PXDNL: variants seen among roughly 807,000 people sequenced by gnomAD.
PXDNL encodes the protein peroxidasin like, also known as probable oxidoreductase PXDNL.
Under a neutral mutation model 150.8 loss-of-function variants are expected in PXDNL, and 145 were observed. The ratio of observed to expected loss-of-function variants is 0.96; its 90% CI spans 0.84 to 1.10. The LOEUF (loss-of-function observed/expected upper bound fraction) is 1.10, where lower values mean the gene tolerates loss of function less well. Ranked by LOEUF, PXDNL falls within the 50% of genes least tolerant of loss-of-function variation. PXDNL has a pLI of 0.00. For synonymous variants in PXDNL, 757 were observed against 725.7 expected (o/e 1.04, Z -0.69); for missense variants, 2,087 against 1,873.9 (o/e 1.11, Z -2.10).
intron 1 of PXDNL, among the ~76,000 whole-genome samples, chr8:51,802,769 T>G (rs1434393858): frequency 6.6e-6 from 1 of 152,216 alleles, no homozygotes; most frequent in Non-Finnish European, 1.5e-5. Context: ...GATATACCCC[T>G]TCATGCATCC....
intron 1 of PXDNL, among the ~76,000 whole-genome samples, chr8:51,773,178 C>T (rs184083848): frequency 1.8e-4 from 27 of 152,316 alleles, no homozygotes; most frequent in African/African-American, 4.6e-4. Flanking sequence ...CTATGTCAAA[C>T]GCCATGCTTA....
At chr8:51,732,297 ACT>A (rs1199990744) in intron 1 of PXDNL, among the ~76,000 whole-genome samples, 2 of 152,046 alleles carry the variant, frequency 1.3e-5, no homozygotes, top group East Asian at 1.9e-4. Context: ...ATGCCACCAG[ACT>A]CTTTGCTAAA....
intron 18 of PXDNL, among the ~76,000 whole-genome samples, chr8:51,372,745 A>T (rs1247406206): frequency 6.6e-6 from 1 of 152,258 alleles, no homozygotes; most frequent in East Asian, 1.9e-4. Context: ...ATGTAACATT[A>T]ACACGTTTGC....
intron 3 of PXDNL, among the ~76,000 whole-genome samples, chr8:51,583,277 G>A (rs1269653407): frequency 6.6e-6 from 1 of 152,130 alleles, no homozygotes; most frequent in African/African-American, 2.4e-5. Flanking sequence ...GGCTTCTGGT[G>A]AGGGCTACAG....
At chr8:51,542,152 G>A (rs1259020192) in intron 4 of PXDNL, among the ~76,000 whole-genome samples, 1 of 149,528 alleles carries the variant, frequency 6.7e-6, no homozygotes, top group Admixed American at 6.7e-5. Context: ...TGAGAAAGGG[G>A]GAAAAAAAGG....
intron 2 of PXDNL, among the ~76,000 whole-genome samples, chr8:51,598,548 A>G (rs1007595819): frequency 1.3e-5 from 2 of 151,982 alleles, no homozygotes; most frequent in African/African-American, 4.8e-5. Context: ...ACATTTATTG[A>G]TTTTCATATG....
chr8:51,570,976 C>A (rs1812920898), intron 3 of PXDNL, among the ~76,000 whole-genome samples: 1 of 151,678 alleles, frequency 6.6e-6, no homozygotes, highest in South Asian at 2.1e-4. Flanking sequence ...TCTCCTATAT[C>A]CTAAAACTAT....
At chr8:51,608,011 A>AAGAAAG (rs1554557472) in intron 2 of PXDNL, among the ~76,000 whole-genome samples, 2,658 of 66,996 alleles carry the variant, frequency 0.04, 85 homozygotes, top group East Asian at 0.069. Context: ...GGAAGAAAGA[A>AAGAAAG]AGAAAGAAAG....
At chr8:51,474,895 A>G in intron 7 of PXDNL, 77 bp downstream of exon 7, 2 of 1,228,232 alleles carry the variant, frequency 1.6e-6, no homozygotes, top group Non-Finnish European at 2.2e-6. Context: ...AAAATGCAAT[A>G]TTATATAATA....
intron 2 of PXDNL, among the ~76,000 whole-genome samples, chr8:51,610,801 T>C (rs948069379): frequency 6.6e-6 from 1 of 152,222 alleles, no homozygotes; most frequent in African/African-American, 2.4e-5. Context: ...GCTGGACACA[T>C]TTCTCCATAG....
At chr8:51,696,755 A>ACG (rs1816145155) in intron 1 of PXDNL, among the ~76,000 whole-genome samples, 1 of 34,692 alleles carries the variant, frequency 2.9e-5, no homozygotes, top group African/African-American at 9.5e-5. Context: ...ATACCCACCC[A>ACG]CACATAGGTC....
At chr8:51,340,802 C>A (rs1055494989) in intron 20 of PXDNL, among the ~76,000 whole-genome samples, 1 of 152,256 alleles carries the variant, frequency 6.6e-6, no homozygotes, top group Non-Finnish European at 1.5e-5. Context: ...CACATGCTAG[C>A]TTCTATACAG....
intron 1 of PXDNL, among the ~76,000 whole-genome samples, chr8:51,793,227 T>C (rs2129257593): frequency 6.6e-6 from 1 of 152,230 alleles, no homozygotes; most frequent in South Asian, 2.1e-4. Flanking sequence ...AGCAGCCCTA[T>C]GAAAGAGGGG....
intron 6 of PXDNL, among the ~76,000 whole-genome samples, chr8:51,479,060 C>T (rs1291359426): frequency 6.6e-6 from 1 of 152,234 alleles, no homozygotes. Context: ...AGAACTCCCT[C>T]AGCCTCTTTA....
intron 17 of PXDNL, among the ~76,000 whole-genome samples, chr8:51,393,840 C>T (rs1323134781): frequency 1.3e-5 from 2 of 152,238 alleles, no homozygotes; most frequent in South Asian, 2.1e-4. Flanking sequence ...CCCATGAAGC[C>T]TCCTGAAAGG....
chr8:51,444,056 A>G (rs1179922543), intron 12 of PXDNL, among the ~76,000 whole-genome samples: 1 of 152,328 alleles, frequency 6.6e-6, no homozygotes, highest in East Asian at 1.9e-4. Flanking sequence ...CACACAAACT[A>G]CTGAAAGTAT....
intron 4 of PXDNL, among the ~76,000 whole-genome samples, chr8:51,505,167 G>A (rs536822665): frequency 9.9e-5 from 15 of 152,162 alleles, no homozygotes; most frequent in East Asian, 3.9e-4. Context: ...TTGACATCTC[G>A]TATCTGAGTA....
chr8:51,639,930 T>C (rs1449192122), intron 2 of PXDNL, among the ~76,000 whole-genome samples: 5 of 152,104 alleles, frequency 3.3e-5, no homozygotes, highest in African/African-American at 1.2e-4. Flanking sequence ...ATATACTTGA[T>C]GAACATTGAC....
intron 17 of PXDNL, among the ~76,000 whole-genome samples, chr8:51,385,528 T>C (rs1807676282): frequency 1.3e-5 from 2 of 152,220 alleles, no homozygotes; most frequent in African/African-American, 2.4e-5. Context: ...CTGAGTTTTC[T>C]AGCCACCAAT....
Sources: allele counts gnomAD v4.1 joint callset (sites outside exome capture counted in the v4.1 genomes callset), GRCh38; gene constraint gnomAD v4.1.1; transcripts MANE v1.5; gene names NCBI Gene and HGNC (gene_info 2026-07-23, HGNC 2026-07-21).